Variants in NXPE2 observed in about 807,000 individuals in gnomAD.
NXPE2 encodes neurexophilin and PC-esterase domain family member 2.
NXPE2 carries 34 observed loss-of-function variants against 34.4 expected under a neutral mutation model. That is an observed-to-expected ratio of 0.99 (90% CI 0.75 to 1.31). The LOEUF is 1.31. Ranked by LOEUF, NXPE2 falls within the 40% of genes most tolerant of loss-of-function variation. The pLI, the probability that NXPE2 is intolerant of heterozygous loss-of-function variation, is 0.00. For synonymous variants in NXPE2, 235 were observed against 231.3 expected, an observed-to-expected ratio of 1.02 and a Z score of -0.15; for missense variants, 649 against 672.5, an observed-to-expected ratio of 0.97 and a Z score of 0.39.
At chr11:114,581,741 A>C in the NXPE2 span, 4 of 1,612,178 alleles carry the variant, frequency 2.5e-6, no homozygotes, top group Non-Finnish European at 3.4e-6. Context: ...ATTTGGAGAC[A>C]CTAATTGTAT....
chr11:114,760,247 C>T, the NXPE2 span, among the ~76,000 whole-genome samples: 1 of 152,116 alleles, frequency 6.6e-6, no homozygotes, highest in Admixed American at 6.5e-5. Flanking sequence ...CCTTAGAGAC[C>T]TTGCTGGCCT....
chr11:114,466,169 T>A, the NXPE2 span, among the ~76,000 whole-genome samples: 13 of 152,216 alleles, frequency 8.5e-5, no homozygotes, highest in Non-Finnish European at 1.5e-4. Context: ...ATAAATTTAT[T>A]TGTAGCTTGA....
chr11:114,672,436 G>A, the NXPE2 span, among the ~76,000 whole-genome samples: 4 of 151,546 alleles, frequency 2.6e-5, no homozygotes, highest in Non-Finnish European at 2.9e-5. Flanking sequence ...AGATGCAAAG[G>A]GCGTATTAAA....
chr11:114,479,480 G>A, the NXPE2 span, among the ~76,000 whole-genome samples: 1 of 152,152 alleles, frequency 6.6e-6, no homozygotes, highest in Non-Finnish European at 1.5e-5. Context: ...GTTGCTGAGG[G>A]AGAAGAAGGA....
chr11:114,530,741 GA>G, the NXPE2 span: 3 of 1,614,250 alleles, frequency 1.9e-6, no homozygotes, highest in Non-Finnish European at 2.5e-6. Context: ...TCACATGGGT[GA>G]AAGGTCTGGG....
chr11:114,644,136 CA>C, the NXPE2 span, among the ~76,000 whole-genome samples: 9 of 152,160 alleles, frequency 5.9e-5, no homozygotes, highest in Non-Finnish European at 1.3e-4. Context: ...AGTTGCTTAT[CA>C]GCTTAAGGAG....
chr11:114,773,280 C>CA, the NXPE2 span, among the ~76,000 whole-genome samples: 2 of 15,290 alleles, frequency 1.3e-4, no homozygotes, highest in Non-Finnish European at 4.0e-4. Flanking sequence ...CCCACTCCCA[C>CA]CCCCCCCCCA....
chr11:114,751,888 C>T, the NXPE2 span, among the ~76,000 whole-genome samples: 43 of 152,072 alleles, frequency 2.8e-4, 1 homozygote, highest in African/African-American at 8.4e-4. Context: ...ATGATGAAAG[C>T]GGAGAAAGAA....
chr11:114,803,879 C>G, the NXPE2 span, among the ~76,000 whole-genome samples: 1 of 152,252 alleles, frequency 6.6e-6, no homozygotes, highest in Admixed American at 6.5e-5. Context: ...TGCCCGCCCC[C>G]CTCAGGTCTC....
At chr11:114,547,828 A>G in the NXPE2 span, among the ~76,000 whole-genome samples, 91,070 of 152,052 alleles carry the variant, frequency 0.6, 29,071 homozygotes, top group African/African-American at 0.84. Context: ...TCTGAATAAT[A>G]TATGGACTTC....
intron 3 of NXPE2, among the ~76,000 whole-genome samples, chr11:114,699,599 T>C (rs1291971168): frequency 1.3e-5 from 2 of 152,176 alleles, no homozygotes; most frequent in Non-Finnish European, 2.9e-5. Flanking sequence ...TCACAAGCTT[T>C]GGTTTACACA....
chr11:114,558,813 G>A, the NXPE2 span, among the ~76,000 whole-genome samples: 1 of 152,182 alleles, frequency 6.6e-6, no homozygotes, highest in Non-Finnish European at 1.5e-5. Context: ...CTATGTCCAA[G>A]CAATTCATTC....
At chr11:114,660,433 T>A in the NXPE2 span, among the ~76,000 whole-genome samples, 1 of 152,010 alleles carries the variant, frequency 6.6e-6, no homozygotes, top group Non-Finnish European at 1.5e-5. Flanking sequence ...AGGCTTATCT[T>A]GGTAATAAAA....
the NXPE2 span, among the ~76,000 whole-genome samples, chr11:114,745,670 A>G: frequency 1.3e-4 from 20 of 152,216 alleles, no homozygotes; most frequent in Non-Finnish European, 1.5e-5. Flanking sequence ...TACATCTCGT[A>G]AGTATGAATT....
the NXPE2 span, among the ~76,000 whole-genome samples, chr11:114,619,212 G>A: frequency 1.3e-5 from 2 of 151,880 alleles, no homozygotes; most frequent in South Asian, 4.1e-4. Flanking sequence ...ATTGCCTCTA[G>A]GGTAACCACT....
At chr11:114,742,621 T>TTTTC in the NXPE2 span, among the ~76,000 whole-genome samples, 3 of 384 alleles carry the variant, frequency 7.8e-3, no homozygotes, top group Non-Finnish European at 0.041. Flanking sequence ...TATTCTTGGA[T>TTTTC]TTTTTTTTTT....
At chr11:114,812,058 G>A in the NXPE2 span, among the ~76,000 whole-genome samples, 5 of 152,204 alleles carry the variant, frequency 3.3e-5, no homozygotes, top group Admixed American at 6.5e-5. Flanking sequence ...AGGACACAAC[G>A]AAAGAAGCAT....
the NXPE2 span, among the ~76,000 whole-genome samples, chr11:114,724,321 C>A: frequency 1.3e-4 from 20 of 152,106 alleles, no homozygotes; most frequent in Admixed American, 1.2e-3. Context: ...GAGTGGACTG[C>A]AGAATGGAAA....
chr11:114,743,865 G>A, the NXPE2 span, among the ~76,000 whole-genome samples: 1 of 149,752 alleles, frequency 6.7e-6, no homozygotes, highest in South Asian at 2.1e-4. Context: ...GTATATATAA[G>A]TATATATATG....
Sources: allele counts gnomAD v4.1 joint callset (sites outside exome capture counted in the v4.1 genomes callset), GRCh38; gene constraint gnomAD v4.1.1; transcripts MANE v1.5; gene names NCBI Gene and HGNC (gene_info 2026-07-23, HGNC 2026-07-21).